The following CACNA1A variants were observed in gnomAD, a reference collection of about 807,000 sequenced individuals.
CACNA1A encodes voltage-dependent P/Q-type calcium channel subunit alpha-1A.
A neutral mutation model predicts 262.4 loss-of-function variants in CACNA1A; 57 were observed. The ratio of observed to expected loss-of-function variants is 0.22; its 90% CI spans 0.18 to 0.27. The LOEUF (loss-of-function observed/expected upper bound fraction) is 0.27. Ranked by LOEUF, CACNA1A falls within the 10% of genes least tolerant of loss-of-function variation. The pLI, the probability that CACNA1A is intolerant of heterozygous loss-of-function variation, is 1.00. For synonymous variants in CACNA1A, 1,431 were observed against 1,419.3 expected (o/e 1.01, Z -0.18); for missense variants, 2,526 against 3,562.8 (o/e 0.71, Z 7.41).
At chr19:13,496,472 AAGATT>A (rs1981551437) in intron 1 of CACNA1A, among the ~76,000 whole-genome samples, 1 of 152,166 alleles carries the variant, frequency 6.6e-6, no homozygotes, top group Admixed American at 6.5e-5. Flanking sequence ...ATGAGAGAAA[AAGATT>A]AGAAACATGG....
chr19:13,348,601 G>A (rs1333681210), intron 6 of CACNA1A, among the ~76,000 whole-genome samples: 1 of 152,198 alleles, frequency 6.6e-6, no homozygotes, highest in African/African-American at 2.4e-5. Flanking sequence ...ACTTTGGGAG[G>A]CCAAGGCGGG....
In CACNA1A at chr19:13,207,747, GGCCGCTGCT is replaced by G; in HGVS notation, c.7078_7086del (p.Ser2360_Gly2362del). 7.3e-7 allele frequency: 1 copy of G among 1,370,274 alleles called. No homozygotes were observed. Among genetic ancestry groups the G allele is most frequent in the Non-Finnish European group, 9.4e-7 (1 of 1,068,942 alleles). 84.9% of individuals were successfully genotyped at this position (1,370,274 alleles called of 1,614,324 possible). A position where few individuals can be genotyped will look rare whatever the true frequency, so the allele number is the denominator to read the frequency against. On this transcript the variant is annotated inframe_deletion, in exon 47 of 47. Coordinates refer to ENST00000360228, the MANE Select transcript of CACNA1A (RefSeq NM_001127222.2). The surrounding 1 kb of genome is among the most constrained non-coding windows in gnomAD (Gnocchi z 5.7). Reference sequence around the variant, plus strand: ...ACCCGCCTCTCCATCCTGGGCGAGCGGCCGCTGCTGTGGCCCCCCGTGGGCGGCCGATCT... The same window carrying G: ...ACCCGCCTCTCCATCCTGGGCGAGCGGTGGCCCCCCGTGGGCGGCCGATCT...
intron 10 of CACNA1A, among the ~76,000 whole-genome samples, chr19:13,326,788 CA>C (rs527327502): frequency 0.66 from 85,801 of 129,244 alleles, 27,300 homozygotes; most frequent in African/African-American, 0.75. Flanking sequence ...GACACTGTCT[CA>C]AAAAAAAAAA....
At chr19:13,296,436 T>C (rs1316201562) in intron 19 of CACNA1A, among the ~76,000 whole-genome samples, 1 of 152,250 alleles carries the variant, frequency 6.6e-6, no homozygotes, top group Non-Finnish European at 1.5e-5. Context: ...TGAGTCCCTA[T>C]ATGCAGAATC....
intron 1 of CACNA1A, among the ~76,000 whole-genome samples, chr19:13,490,474 G>T (rs545756941): frequency 6.6e-6 from 1 of 152,000 alleles, no homozygotes; most frequent in Admixed American, 6.6e-5. Context: ...GTGGTGGCGC[G>T]TGCCTGTAGT....
intron 6 of CACNA1A, among the ~76,000 whole-genome samples, chr19:13,354,209 T>C (rs1234682725): frequency 6.6e-6 from 1 of 152,180 alleles, no homozygotes; most frequent in Non-Finnish European, 1.5e-5. Flanking sequence ...TACACCTGTG[T>C]CCATGGATTC....
chr19:13,450,139 CAAAAAAAA>C (rs367559329), intron 3 of CACNA1A, among the ~76,000 whole-genome samples: 16 of 52,244 alleles, frequency 3.1e-4, no homozygotes, highest in Admixed American at 9.5e-4. Flanking sequence ...AGACTCTTGT[CAAAAAAAA>C]AAAAAAAAAA....
chr19:13,211,746 T>C, intron 43 of CACNA1A: 1 of 282,236 alleles, frequency 3.5e-6, no homozygotes, highest in South Asian at 4.9e-5. Context: ...GGGGTGATCT[T>C]CGTGGCAGGT....
chr19:13,457,510 A>G (rs557807568), intron 1 of CACNA1A, among the ~76,000 whole-genome samples: 28 of 152,332 alleles, frequency 1.8e-4, no homozygotes, highest in African/African-American at 5.3e-4. Context: ...GAATGGATAA[A>G]CAAAATGTGG....
At chr19:13,267,575 A>G (rs899421802) in intron 24 of CACNA1A, among the ~76,000 whole-genome samples, 2 of 152,152 alleles carry the variant, frequency 1.3e-5, no homozygotes, top group Non-Finnish European at 2.9e-5. Flanking sequence ...TAGAATGTCT[A>G]AAAGGTTGTG....
At chr19:13,228,647 C>A in intron 36 of CACNA1A, 3 of 724,110 alleles carry the variant, frequency 4.1e-6, no homozygotes, top group Admixed American at 2.8e-5. Flanking sequence ...ATTGAAGAAC[C>A]CCAAGCCACA....
At chr19:13,244,965 C>T in intron 31 of CACNA1A, 3 of 585,474 alleles carry the variant, frequency 5.1e-6, no homozygotes, top group East Asian at 2.8e-5. Context: ...GCTGGCCCTA[C>T]AGCCAAGCTT....
At chr19:13,334,549 T>TTG (rs1263876667) in intron 7 of CACNA1A, 56 bp from the exon 8 acceptor site, 1 of 724,094 alleles carries the variant, frequency 1.4e-6, no homozygotes, top group Non-Finnish European at 2.3e-6. Context: ...TAGGAAACGT[T>TTG]TGTGTGTGTG....
chr19:13,299,198 C>T lies in CACNA1A; in HGVS notation c.2435G>A (p.Arg812Gln), dbSNP rs953797733. 1.2e-6 allele frequency: 2 copies of T among 1,612,258 alleles called. No homozygotes were observed. The highest frequency in any genetic ancestry group is 1.6e-4 in the Middle Eastern group (1 of 6,084). The change falls in exon 19 of 47, where the codon CGG becomes CAG. Residue 812 changes from arginine to glutamine, a missense_variant. By Grantham distance (43) the Arg-to-Gln change is conservative. Transcript: ENST00000360228. ...GTCCAAGTGCGTCTTCATGTCTGGC[C>T]GCAGGTGCCGCGTGTAGGCAGCCTT... The part of the protein sequence containing the change: ...RWKAAYTRHL[R>Q]PDMKTHLDRP...
intron 2 of CACNA1A, among the ~76,000 whole-genome samples, chr19:13,453,294 C>T (rs1018569623): frequency 1.3e-5 from 2 of 152,166 alleles, no homozygotes; most frequent in Non-Finnish European, 2.9e-5. Flanking sequence ...CTGTCTTATT[C>T]AATACGACAG....
chr19:13,210,488 A>G lies in CACNA1A; in HGVS notation c.6339+129T>C, dbSNP rs2054766807. On this transcript the variant is annotated intron_variant, in intron 44 of 46. Transcript: ENST00000360228. ...ACAAGGATTGGGCTCCATGGAGGGGAGAGGGTGCGATTGCCAAAGAAAGGG... is the reference window on the plus strand; with the variant it reads ...ACAAGGATTGGGCTCCATGGAGGGGGGAGGGTGCGATTGCCAAAGAAAGGG... The G allele has an allele frequency of 3.0e-5, 22 of 741,110 alleles. No homozygotes were observed. The South Asian group carries it at 3.8e-4, about 13-fold the overall frequency. The allele number at this position is 741,110 out of a possible 1,614,324, so 45.9% of individuals were successfully genotyped here.
At chr19:13,309,435 G>A (rs1412621979) in intron 12 of CACNA1A, among the ~76,000 whole-genome samples, 1 of 151,050 alleles carries the variant, frequency 6.6e-6, no homozygotes, top group Non-Finnish European at 1.5e-5. Context: ...GCTCATGCCT[G>A]TAATTCTGGA....
intron 1 of CACNA1A, among the ~76,000 whole-genome samples, chr19:13,470,726 C>T (rs2061333613): frequency 6.6e-6 from 1 of 152,192 alleles, no homozygotes. Flanking sequence ...CATCTTCTGC[C>T]TTCTGGGTTG....
At chr19:13,445,780 A>C (rs1423911630) in intron 3 of CACNA1A, among the ~76,000 whole-genome samples, 3 of 152,234 alleles carry the variant, frequency 2.0e-5, no homozygotes, top group African/African-American at 7.2e-5. Context: ...AACATGCCTT[A>C]CAAGGGTTTG....
Sources: allele counts gnomAD v4.1 joint callset (sites outside exome capture counted in the v4.1 genomes callset), GRCh38; gene constraint gnomAD v4.1.1; non-coding constraint Gnocchi (gnomAD v3.1); transcripts MANE v1.5; gene names NCBI Gene and HGNC (gene_info 2026-07-23, HGNC 2026-07-21).